Variants in PPARGC1A observed in about 807,000 individuals in gnomAD.
PPARGC1A encodes peroxisome proliferator-activated receptor gamma coactivator 1-alpha.
A neutral mutation model predicts 88.7 loss-of-function variants in PPARGC1A; 25 were observed. The ratio of observed to expected loss-of-function variants is 0.28; its 90% confidence interval spans 0.21 to 0.39. The LOEUF (loss-of-function observed/expected upper bound fraction) is 0.39. Ranked by LOEUF, PPARGC1A falls within the 10% of genes least tolerant of loss-of-function variation. The pLI is 1.00. For missense variants in PPARGC1A, 880 were observed against 968.7 expected (o/e 0.91, Z 1.22); for synonymous variants, 363 against 355.6 (o/e 1.02, Z -0.24).
chr4:24,062,932 T>A, the PPARGC1A span, among the ~76,000 whole-genome samples: 2 of 152,238 alleles, frequency 1.3e-5, no homozygotes, highest in South Asian at 4.1e-4. Context: ...TTATTCCTCC[T>A]GAATAATTTC....
intron 10 of PPARGC1A, among the ~76,000 whole-genome samples, chr4:23,806,160 T>C (rs1246080565): frequency 6.6e-6 from 1 of 152,218 alleles, no homozygotes; most frequent in Non-Finnish European, 1.5e-5. Context: ...GGGCCATGCC[T>C]CACTACCTTA....
chr4:23,834,773 G>T (rs1210027791), intron 2 of PPARGC1A, among the ~76,000 whole-genome samples: 1 of 151,984 alleles, frequency 6.6e-6, no homozygotes, highest in Non-Finnish European at 1.5e-5. Flanking sequence ...TCATAATCTG[G>T]TATCCAAAGA....
chr4:24,356,939 G>T, the PPARGC1A span, among the ~76,000 whole-genome samples: 1 of 152,176 alleles, frequency 6.6e-6, no homozygotes, highest in Non-Finnish European at 1.5e-5. Context: ...TAAAAGCTAA[G>T]ACACTCTCTG....
chr4:24,310,423 A>G, the PPARGC1A span, among the ~76,000 whole-genome samples: 82 of 152,320 alleles, frequency 5.4e-4, no homozygotes, highest in East Asian at 0.013. Context: ...AGAATATATT[A>G]TAGCTGTTAC....
chr4:23,821,403 G>T (rs944949428), intron 7 of PPARGC1A, among the ~76,000 whole-genome samples: 1 of 152,004 alleles, frequency 6.6e-6, no homozygotes, highest in Non-Finnish European at 1.5e-5. Flanking sequence ...ATCAGTGAGT[G>T]TTCTGCCTTG....
At chr4:23,931,895 G>A in the PPARGC1A span, among the ~76,000 whole-genome samples, 1 of 152,170 alleles carries the variant, frequency 6.6e-6, no homozygotes. Flanking sequence ...TGTGACCTCA[G>A]GCAAATTATC....
the PPARGC1A span, among the ~76,000 whole-genome samples, chr4:23,952,414 G>A: frequency 1.3e-5 from 2 of 152,064 alleles, no homozygotes; most frequent in Admixed American, 6.5e-5. Context: ...AGTGGGGTGG[G>A]AGAGGGCTCA....
chr4:24,244,284 A>G, the PPARGC1A span, among the ~76,000 whole-genome samples: 1 of 152,216 alleles, frequency 6.6e-6, no homozygotes, highest in Non-Finnish European at 1.5e-5. Context: ...ACTGCCTTTT[A>G]TTTCTCTACA....
the PPARGC1A span, among the ~76,000 whole-genome samples, chr4:24,450,838 G>A: frequency 6.6e-6 from 1 of 152,162 alleles, no homozygotes; most frequent in South Asian, 2.1e-4. Flanking sequence ...CTTTATACAT[G>A]TTTTCAAGGC....
At chr4:24,005,161 A>T in the PPARGC1A span, among the ~76,000 whole-genome samples, 4 of 152,220 alleles carry the variant, frequency 2.6e-5, no homozygotes, top group Non-Finnish European at 4.4e-5. Context: ...AAGGGTCTCG[A>T]AGCTAGTGGC....
chr4:24,207,625 C>T, the PPARGC1A span, among the ~76,000 whole-genome samples: 175 of 152,306 alleles, frequency 1.1e-3, 2 homozygotes, highest in African/African-American at 4.1e-3. Flanking sequence ...TCAGCTATTG[C>T]TGCTGCAATC....
At chr4:23,928,829 G>C in the PPARGC1A span, among the ~76,000 whole-genome samples, 1 of 150,402 alleles carries the variant, frequency 6.6e-6, no homozygotes, top group African/African-American at 2.4e-5. Flanking sequence ...GACATGGATG[G>C]AGCTGGAAGG....
the PPARGC1A span, among the ~76,000 whole-genome samples, chr4:23,948,297 A>T: frequency 6.6e-6 from 1 of 152,092 alleles, no homozygotes; most frequent in African/African-American, 2.4e-5. Context: ...ATATATATTA[A>T]TTTTCTTCTA....
At chr4:24,370,802 T>C in the PPARGC1A span, among the ~76,000 whole-genome samples, 1 of 142,788 alleles carries the variant, frequency 7.0e-6, no homozygotes, top group Non-Finnish European at 1.5e-5. Flanking sequence ...CTGGGATCCA[T>C]GTGCAGAACA....
intron 2 of PPARGC1A, among the ~76,000 whole-genome samples, chr4:23,832,804 G>T (rs576790480): frequency 6.6e-6 from 1 of 151,664 alleles, no homozygotes; most frequent in African/African-American, 2.4e-5. Context: ...TGAAGATGGG[G>T]TTTCACCATG....
the PPARGC1A span, among the ~76,000 whole-genome samples, chr4:24,220,687 C>G: frequency 1.3e-5 from 2 of 151,918 alleles, no homozygotes; most frequent in African/African-American, 4.8e-5. Flanking sequence ...TGCATAAGGA[C>G]AGAAAGATGA....
the PPARGC1A span, among the ~76,000 whole-genome samples, chr4:23,998,064 G>A: frequency 1.3e-5 from 2 of 152,160 alleles, no homozygotes; most frequent in South Asian, 2.1e-4. Flanking sequence ...CAAATGAATT[G>A]GCTAATACGA....
the PPARGC1A span, among the ~76,000 whole-genome samples, chr4:24,371,053 A>G: frequency 1.3e-5 from 2 of 151,912 alleles, no homozygotes; most frequent in African/African-American, 4.8e-5. Context: ...TTCCTGTGTT[A>G]GTTTGCTGAG....
chr4:23,929,946 A>G, the PPARGC1A span, among the ~76,000 whole-genome samples: 2 of 152,146 alleles, frequency 1.3e-5, no homozygotes, highest in Admixed American at 1.3e-4. Flanking sequence ...GCTGAGTGTT[A>G]ACAGACCATA....
Sources: gnomAD v4.1 joint callset for allele counts (sites outside exome capture counted in the v4.1 genomes callset) on GRCh38, gnomAD v4.1.1 for gene constraint, MANE v1.5 for transcripts, NCBI Gene and HGNC (gene_info 2026-07-23, HGNC 2026-07-21) for gene names.